Variants in GKN1 observed in about 807,000 individuals in gnomAD.
GKN1 encodes gastrokine 1.
A neutral mutation model predicts 19.7 loss-of-function variants in GKN1; 17 were observed. The ratio of observed to expected loss-of-function variants is 0.86; its 90% CI spans 0.59 to 1.29. The LOEUF (loss-of-function observed/expected upper bound fraction) is 1.29. Among genes scored for constraint, GKN1 ranks in the 50% most tolerant of loss-of-function variants. GKN1 has a pLI of 0.00. For missense variants in GKN1, 218 were observed against 224.5 expected (o/e 0.97, Z 0.19); for synonymous variants, 96 against 78.3 (o/e 1.23, Z -1.20).
At position 68,980,736 on chromosome 2, in the gene GKN1, C is replaced by G. The variant is rs1323755617; in HGVS notation, c.471C>G (p.Ser157Arg). The change falls in exon 6 of 6, where the codon AGC (serine) becomes AGG (arginine). Residue 157 changes from serine (S) to arginine (R), a missense_variant. Physicochemically the swap from Ser to Arg is moderately radical, Grantham distance 110 (BLOSUM62 -1). Transcript: ENST00000377938. ...TTCTTTTCTCTTTATTAGAGGCAAGCCTGTTTTTTTACTCAGGAACGTGCT... is the reference window on the plus strand; with the variant it reads ...TTCTTTTCTCTTTATTAGAGGCAAGGCTGTTTTTTTACTCAGGAACGTGCT... Reference protein sequence around the residue: ...TYMAEEMQEASLFFYSGTCYT... With the variant: ...TYMAEEMQEARLFFYSGTCYT... 1.3e-6 allele frequency: 2 copies of G among 1,539,892 alleles called. No individual in the cohort carries two copies. The highest frequency in any genetic ancestry group is 1.8e-6 in the Non-Finnish European group (2 of 1,112,898).
intron 1 of GKN1, among the ~76,000 whole-genome samples, chr2:68,975,570 G>A (rs1024901449): frequency 1.3e-5 from 2 of 152,068 alleles, no homozygotes; most frequent in African/African-American, 2.4e-5. Flanking sequence ...AAAACGTTAC[G>A]GCAGACTCTA....
chr2:68,976,077 C>T (rs1245021294), intron 1 of GKN1, among the ~76,000 whole-genome samples: 2 of 152,124 alleles, frequency 1.3e-5, no homozygotes, highest in South Asian at 2.1e-4. Context: ...CTGCTGATCA[C>T]TCTTGCCAGC....
Position 68,974,671 on chromosome 2 carries a change from A to G in GKN1, c.-7A>G, listed in dbSNP as rs746280871. ...ACTCCTCTGTCCACTGCTTTCGTGA[A>G]GACAAGATGAAGTTCACAGTGAGTA... On this transcript the variant is annotated 5_prime_UTR_variant, in exon 1 of 6. Transcript: ENST00000377938. 3.8e-6 allele frequency: 6 copies of G among 1,599,988 alleles called. No individual in the cohort carries two copies. In the East Asian group the frequency reaches 1.3e-4, roughly 36 times the overall value.
intron 1 of GKN1, among the ~76,000 whole-genome samples, chr2:68,977,290 A>G (rs1458639530): frequency 6.6e-6 from 1 of 152,206 alleles, no homozygotes; most frequent in Non-Finnish European, 1.5e-5. Flanking sequence ...CATTAATATA[A>G]TTACTTATAA....
intron 1 of GKN1, 66 bp downstream of exon 1, chr2:68,974,755 A>G (rs1573741174): frequency 9.2e-7 from 1 of 1,089,376 alleles, no homozygotes; most frequent in Non-Finnish European, 1.4e-6. Flanking sequence ...TCTGAGATTT[A>G]GGAGGTCTGC....
At chr2:68,980,183 G>C in intron 5 of GKN1, 123 bp downstream of exon 5, 1 of 807,006 alleles carries the variant, frequency 1.2e-6, no homozygotes, top group Non-Finnish European at 2.1e-6. Flanking sequence ...CATTTGTGCA[G>C]TGCTTGCTCT....
rs1670314259 is a variant in GKN1, at chr2:68,978,726, T to C, written c.205-145T>C. The C allele has an allele frequency of 5.3e-6, 3 of 562,252 alleles. No individual in the cohort carries two copies. The South Asian group carries it at 7.8e-5, about 15-fold the overall frequency. 34.8% of individuals were successfully genotyped at this position (562,252 alleles called of 1,614,324 possible). A position where few individuals can be genotyped will look rare whatever the true frequency, so the allele number is the denominator to read the frequency against. ...CACAAATGTCAGCAATAGATATGAT[T>C]GCCAAGCAGTGCCCCATCCAGTGCT... On this transcript the variant is annotated intron_variant, in intron 3 of 5. Transcript: ENST00000377938.
intron 3 of GKN1, among the ~76,000 whole-genome samples, chr2:68,978,275 A>G (rs201942760): frequency 0.01 from 948 of 91,622 alleles, 16 homozygotes; most frequent in African/African-American, 0.037. Flanking sequence ...AAGGAAGGAA[A>G]GAAAGAAAGA....
At position 68,977,735 on chromosome 2, in the gene GKN1, C is replaced by T. The variant is rs145778324; in HGVS notation, c.165C>T (p.Asn55=). 56 of 1,610,594 alleles carry T rather than the reference C, an allele frequency of 3.5e-5. No homozygotes were observed. Among genetic ancestry groups the T allele is most frequent in the African/African-American group, 2.7e-4 (20 of 74,950 alleles). Residue 55 remains asparagine (N), a synonymous_variant, in exon 3 of 6, where the codon AAC becomes AAT. Transcript: ENST00000377938. ...EHNVANVDNN[N]GWDSWNSIWD... is the part of the protein sequence containing the mutation. ...ATGTGGCCAATGTTGACAATAACAACGGATGGGACTCCTGGAATTCCATCT... is the reference window on the plus strand; with the variant it reads ...ATGTGGCCAATGTTGACAATAACAATGGATGGGACTCCTGGAATTCCATCT...
chr2:68,978,806 T>G lies in GKN1; in HGVS notation c.205-65T>G, dbSNP rs545151534. 2.1e-5 allele frequency: 18 copies of G among 839,846 alleles called. No individual in the cohort carries two copies. In the South Asian group the frequency reaches 2.7e-4, roughly 13 times the overall value. 52.0% of individuals were successfully genotyped at this position (839,846 alleles called of 1,614,324 possible). On this transcript the variant is annotated intron_variant, in intron 3 of 5. Coordinates refer to ENST00000377938, the MANE Select transcript of GKN1 (RefSeq NM_019617.4). ...TCCCATTTCTCTCTGCAGGTGGAAC[T>G]GACCTCTGATAAGAAAAGCTCCTCG...
intron 4 of GKN1, 102 bp from the exon 5 acceptor site, chr2:68,979,811 A>G (rs1670330741): frequency 1.1e-6 from 1 of 883,804 alleles, no homozygotes; most frequent in South Asian, 1.4e-5. Flanking sequence ...TAGCTGAGCA[A>G]CACTCACTGT....
intron 1 of GKN1, 96 bp from the exon 2 acceptor site, chr2:68,977,399 T>C: frequency 2.3e-6 from 2 of 878,164 alleles, no homozygotes; most frequent in South Asian, 1.3e-5. Flanking sequence ...AACACATTGG[T>C]AAAATTAGTG....
chr2:68,978,238 A>G (rs545352850), intron 3 of GKN1: 1 of 147,588 alleles, frequency 6.8e-6, no homozygotes, highest in Admixed American at 6.7e-5. Flanking sequence ...AGAAGAAAGA[A>G]AGAAGGAAGG....
intron 1 of GKN1, among the ~76,000 whole-genome samples, chr2:68,975,597 C>A (rs1001659678): frequency 3.3e-5 from 5 of 152,104 alleles, no homozygotes; most frequent in Non-Finnish European, 2.9e-5. Flanking sequence ...AATGGGGCTG[C>A]AAATGTAAAA....
intron 1 of GKN1, among the ~76,000 whole-genome samples, chr2:68,976,981 C>T (rs1670270964): frequency 6.6e-6 from 1 of 152,030 alleles, no homozygotes; most frequent in South Asian, 2.1e-4. Context: ...AATATTTTGA[C>T]CAATCTTAAA....
chr2:68,976,677 A>G (rs1670267166), intron 1 of GKN1, among the ~76,000 whole-genome samples: 1 of 152,232 alleles, frequency 6.6e-6, no homozygotes, highest in South Asian at 2.1e-4. Context: ...TCGAAGAAGT[A>G]TAACTTTCTT....
chr2:68,974,741 A>G (rs1222519539), intron 1 of GKN1, 52 bp downstream of exon 1: 1 of 1,145,182 alleles, frequency 8.7e-7, no homozygotes, highest in Non-Finnish European at 1.3e-6. Flanking sequence ...GAGACTGTCA[A>G]TATTCTGAGA....
chr2:68,980,611 T>C (rs1361757587), intron 5 of GKN1, 118 bp from the exon 6 acceptor site: 7 of 636,980 alleles, frequency 1.1e-5, no homozygotes, highest in South Asian at 7.6e-5. Flanking sequence ...TCACAACAAG[T>C]AGATAAACCT....
intron 1 of GKN1, among the ~76,000 whole-genome samples, chr2:68,976,969 T>C (rs892831339): frequency 1.3e-5 from 2 of 152,182 alleles, no homozygotes; most frequent in African/African-American, 4.8e-5. Flanking sequence ...TATTATAAAG[T>C]TAATATTTTG....
Sources: allele counts gnomAD v4.1 joint callset (sites outside exome capture counted in the v4.1 genomes callset), GRCh38; gene constraint gnomAD v4.1.1; transcripts MANE v1.5; gene names NCBI Gene and HGNC (gene_info 2026-07-23, HGNC 2026-07-21).